The following RASGEF1C variants were observed in gnomAD, a reference collection of about 807,000 sequenced individuals.
The protein encoded by RASGEF1C is RasGEF domain family member 1C, also known as ras-GEF domain-containing family member 1C.
Under a neutral mutation model 58.1 loss-of-function variants are expected in RASGEF1C, and 27 were observed. That is an observed-to-expected ratio of 0.46 (90% CI 0.34 to 0.64). The LOEUF is 0.64. Ranked by LOEUF, RASGEF1C falls within the 30% of genes least tolerant of loss-of-function variation. RASGEF1C has a pLI of 0.01. For synonymous variants in RASGEF1C, 243 were observed against 246.3 expected, an observed-to-expected ratio of 0.99 and a Z score of 0.13; for missense variants, 502 against 605.1, an observed-to-expected ratio of 0.83 and a Z score of 1.79.
chr5:180,154,774 G>T (rs1047792469), intron 1 of RASGEF1C, among the ~76,000 whole-genome samples: 2 of 152,028 alleles, frequency 1.3e-5, no homozygotes, highest in African/African-American at 4.8e-5. Flanking sequence ...GTAGAGACAG[G>T]GTTTCACTGT....
chr5:180,102,090 C>G lies in RASGEF1C; in HGVS notation c.1357G>C (p.Glu453Gln). ...ACTCACCTTAGAGCTTTCCATCTTTCTTTTTCTGTTTGGTTCTCTGGGCTC... is the reference window on the plus strand; with the variant it reads ...ACTCACCTTAGAGCTTTCCATCTTTGTTTTTCTGTTTGGTTCTCTGGGCTC... ...SESPENQTEKERWKALRSSIL... is the reference protein window; with the variant it reads ...SESPENQTEKQRWKALRSSIL... Residue 453 changes from glutamate to glutamine, a missense_variant, in exon 13 of 14, where the codon GAA (glutamate) becomes CAA (glutamine). Transcript: ENST00000361132. The G allele has an allele frequency of 6.2e-7, 1 of 1,602,984 alleles. No individual in the cohort carries two copies. Among genetic ancestry groups the G allele is most frequent in the Non-Finnish European group, 8.5e-7 (1 of 1,169,828 alleles).
At chr5:180,194,196 C>T (rs996063685) in intron 1 of RASGEF1C, among the ~76,000 whole-genome samples, 2 of 152,284 alleles carry the variant, frequency 1.3e-5, no homozygotes, top group Middle Eastern at 3.4e-3. Flanking sequence ...GCGAGCTTGG[C>T]GCTCCTCTCT....
chr5:180,190,499 A>AT (rs1756142258), intron 1 of RASGEF1C, among the ~76,000 whole-genome samples: 2 of 99,176 alleles, frequency 2.0e-5, no homozygotes, highest in African/African-American at 6.4e-5. Context: ...CAAAAAAAAA[A>AT]AAAAAAAAAT....
intron 1 of RASGEF1C, among the ~76,000 whole-genome samples, chr5:180,174,780 G>A (rs143003803): frequency 3.3e-5 from 5 of 152,268 alleles, no homozygotes; most frequent in Non-Finnish European, 7.4e-5. Context: ...GATCGTGACC[G>A]GTTCCTGCTT....
At chr5:180,154,395 A>G (rs934177664) in intron 1 of RASGEF1C, among the ~76,000 whole-genome samples, 5 of 152,132 alleles carry the variant, frequency 3.3e-5, no homozygotes, top group Non-Finnish European at 5.9e-5. Context: ...GACTTAAGTT[A>G]AAGAAGAAAT....
intron 1 of RASGEF1C, among the ~76,000 whole-genome samples, chr5:180,173,723 G>A (rs532232673): frequency 4.0e-4 from 61 of 152,172 alleles, no homozygotes; most frequent in Middle Eastern, 3.4e-3. Flanking sequence ...GACCAGCCTG[G>A]CCAACATGGT....
intron 12 of RASGEF1C, among the ~76,000 whole-genome samples, chr5:180,103,225 C>G: frequency 6.6e-6 from 1 of 152,124 alleles, no homozygotes; most frequent in East Asian, 1.9e-4. Flanking sequence ...CTACAGGTAC[C>G]CACCACCACG....
intron 11 of RASGEF1C, among the ~76,000 whole-genome samples, chr5:180,113,077 C>T (rs1248705019): frequency 2.2e-5 from 3 of 134,198 alleles, no homozygotes; most frequent in Admixed American, 7.3e-5. Flanking sequence ...ACGGAGGGAC[C>T]GGGGATGGAC....
chr5:180,169,125 A>T (rs1767064479), intron 1 of RASGEF1C, among the ~76,000 whole-genome samples: 1 of 152,262 alleles, frequency 6.6e-6, no homozygotes, highest in African/African-American at 2.4e-5. Flanking sequence ...CATTTTAAAA[A>T]TAAATCACGT....
At chr5:180,122,740 T>TAAAA (rs35004526) in intron 6 of RASGEF1C, among the ~76,000 whole-genome samples, 1 of 115,940 alleles carries the variant, frequency 8.6e-6, no homozygotes, top group African/African-American at 3.4e-5. Context: ...AAACTTCATC[T>TAAAA]AAAAAAAAAA....
chr5:180,175,566 C>G (rs908526909), intron 1 of RASGEF1C, among the ~76,000 whole-genome samples: 2 of 152,250 alleles, frequency 1.3e-5, no homozygotes, highest in Non-Finnish European at 2.9e-5. Context: ...GGGCCACACT[C>G]GGGACATTTC....
At chr5:180,191,617 A>G (rs547051889) in intron 1 of RASGEF1C, among the ~76,000 whole-genome samples, 23 of 152,226 alleles carry the variant, frequency 1.5e-4, no homozygotes, top group Middle Eastern at 3.4e-3. Context: ...CAGCCTCCCA[A>G]AGTGCTGGGA....
intron 1 of RASGEF1C, among the ~76,000 whole-genome samples, chr5:180,159,947 C>T (rs1048931595): frequency 8.5e-5 from 13 of 152,186 alleles, no homozygotes; most frequent in African/African-American, 2.9e-4. Context: ...GGGCAGGAAG[C>T]CAAGCTTCGA....
rs7734981 is a variant in RASGEF1C, at chr5:180,203,865, C to T, written c.-7+5163G>A. On this transcript the variant is annotated intron_variant, in intron 1 of 13. Transcript: ENST00000361132. ...TAACTTAACCGGGCATGGTGGTGCA[C>T]GCCTGTAATCCCAGCCACTTGGGAG... Among the ~76,000 whole-genome samples, 362 of 152,186 alleles carry T rather than the reference C, an allele frequency of 2.4e-3. 2 individuals are homozygous for T. The highest frequency in any genetic ancestry group is 0.017 in the Middle Eastern group (5 of 294).
intron 10 of RASGEF1C, among the ~76,000 whole-genome samples, chr5:180,116,194 A>G (rs1388327001): frequency 6.6e-6 from 1 of 152,236 alleles, no homozygotes; most frequent in Admixed American, 6.5e-5. Context: ...GCAGCAGCCA[A>G]ACAGGCCTTT....
At chr5:180,178,388 T>G (rs910607100) in intron 1 of RASGEF1C, among the ~76,000 whole-genome samples, 2 of 145,452 alleles carry the variant, frequency 1.4e-5, no homozygotes, top group Non-Finnish European at 1.5e-5. Flanking sequence ...CAAGCAATTC[T>G]CCTGCCTCAG....
rs1766614808 is a variant in RASGEF1C, at chr5:180,143,451, G to A, written c.-6-5393C>T. ...GCTATTCCAGTGGGTGCTGGAAAGA[G>A]GTAATGGTCACCTGCCCCCAGCCAG... On this transcript the variant is annotated intron_variant, in intron 1 of 13. Transcript: ENST00000361132. The surrounding 1 kb of genome is among the most constrained non-coding windows in gnomAD (Gnocchi z 4.3). 6.6e-6 allele frequency among the ~76,000 whole-genome samples: 1 copy of A among 152,176 alleles called. No homozygotes were observed. The highest frequency in any genetic ancestry group is 1.5e-5 in the Non-Finnish European group (1 of 68,034).
At chr5:180,121,025 A>T in intron 7 of RASGEF1C, 35 bp downstream of exon 7, 1 of 1,508,078 alleles carries the variant, frequency 6.6e-7, no homozygotes, top group Non-Finnish European at 9.2e-7. Flanking sequence ...GCCTGGGGCT[A>T]TGCCAGGTGG....
intron 4 of RASGEF1C, among the ~76,000 whole-genome samples, chr5:180,135,761 G>C (rs113338136): frequency 8.5e-5 from 13 of 152,380 alleles, no homozygotes; most frequent in African/African-American, 2.9e-4. Flanking sequence ...GGGTTCCTGA[G>C]GGCAAGGGCC....
Sources: gnomAD v4.1 joint callset for allele counts (sites outside exome capture counted in the v4.1 genomes callset) on GRCh38, gnomAD v4.1.1 for gene constraint, Gnocchi (gnomAD v3.1) non-coding constraint, MANE v1.5 for transcripts, NCBI Gene and HGNC (gene_info 2026-07-23, HGNC 2026-07-21) for gene names.